The following LRRC45 variants were observed in gnomAD, a reference collection of about 807,000 sequenced individuals.
LRRC45 encodes leucine rich repeat containing 45.
Under a neutral mutation model 85.4 loss-of-function variants are expected in LRRC45, and 73 were observed. That is an observed-to-expected ratio of 0.85 (90% CI 0.71 to 1.04). The LOEUF (loss-of-function observed/expected upper bound fraction) is 1.04, where lower values mean the gene tolerates loss of function less well. Among genes scored for constraint, LRRC45 ranks in the 50% least tolerant of loss-of-function variants. LRRC45 has a pLI of 0.00. For synonymous variants in LRRC45, 429 were observed against 386.0 expected (o/e 1.11, Z -1.31); for missense variants, 937 against 883.3 (o/e 1.06, Z -0.77).
At chr17:82,029,510 G>A in intron 13 of LRRC45, 33 bp from the exon 14 acceptor site, 1 of 1,549,624 alleles carries the variant, frequency 6.5e-7, no homozygotes, top group Non-Finnish European at 8.7e-7. Context: ...GCCAGGGACA[G>A]GAGAACGGGC....
chr17:82,024,070 T>A, intron 1 of LRRC45: 1 of 720,192 alleles, frequency 1.4e-6, no homozygotes, highest in Non-Finnish European at 2.2e-6. Flanking sequence ...CTTACCTGGT[T>A]CCCCGCGTGC....
rs760050172 is a variant in LRRC45, at chr17:82,025,468, G to A, written c.622G>A (p.Ala208Thr). 2 of 1,609,530 alleles carry A rather than the reference G, an allele frequency of 1.2e-6. No individual in the cohort carries two copies. The highest frequency in any genetic ancestry group is 1.7e-6 in the Non-Finnish European group (2 of 1,178,038). ...SNRTLWRLDLAGNNIPGDVLR... is the reference protein window; with the variant it reads ...SNRTLWRLDLTGNNIPGDVLR... ...CAGAACCCTGTGGAGACTGGACCTG[G>A]CTGGGAACAACATCCCTGGAGACGT... The change falls in exon 5 of 17, where the codon GCT (alanine) becomes ACT (threonine). Residue 208 changes from alanine to threonine, a missense_variant. Ala to Thr is a moderately conservative substitution (Grantham distance 58). Transcript: ENST00000306688.
chr17:82,023,825 C>T lies in LRRC45; in HGVS notation c.182C>T (p.Thr61Met), dbSNP rs372848486. 103 of 1,568,226 alleles carry T rather than the reference C, an allele frequency of 6.6e-5. No individual in the cohort carries two copies. The highest frequency in any genetic ancestry group is 9.4e-5 in the Admixed American group (5 of 53,286). ...CTGCTGCCGAGGGAGACGCTGTGCA[C>T]GGAGCTGGTCCTGAGTGACTGCATG... is the stretch of plus-strand genomic sequence containing the variant. Reference protein sequence around the residue: ...GKLLPRETLCTELVLSDCMLS... With the variant: ...GKLLPRETLCMELVLSDCMLS... Residue 61 changes from threonine (T) to methionine (M), a missense_variant, in exon 1 of 17, where the codon ACG (threonine) becomes ATG (methionine). Thr to Met is a moderately conservative substitution (Grantham distance 81, BLOSUM62 -1). Transcript: ENST00000306688.
chr17:82,028,991 AG>A, intron 12 of LRRC45, 101 bp from the exon 13 acceptor site: 1 of 1,060,994 alleles, frequency 9.4e-7, no homozygotes, highest in East Asian at 2.5e-5. Flanking sequence ...AGAATGAACA[AG>A]GTTCTCAAGA....
chr17:82,029,921 G>A (rs753945072), intron 14 of LRRC45, 144 bp from the exon 15 acceptor site: 4 of 1,047,702 alleles, frequency 3.8e-6, no homozygotes, highest in Non-Finnish European at 5.4e-6. Context: ...TCTGGAGGAG[G>A]TGGCTGCCAG....
chr17:82,030,671 G>A lies in LRRC45; in HGVS notation c.1879G>A (p.Glu627Lys), dbSNP rs766077349. Residue 627 changes from glutamate (E) to lysine (K), a missense_variant, in exon 17 of 17, where the codon GAG (glutamate) becomes AAG (lysine). Glu to Lys is a moderately conservative substitution (Grantham distance 56). Transcript: ENST00000306688. ...DRESENASLR[E>K]KLRLREAEIA... ...GGAGAGCGAGAACGCGTCTCTCCGG[G>A]AGAAGCTGCGGCTCCGGGAGGCGGA... The A allele has an allele frequency of 5.4e-6, 8 of 1,469,732 alleles. No individual in the cohort carries two copies. The highest frequency in any genetic ancestry group is 1.4e-5 in the South Asian group (1 of 73,548). The allele number at this position is 1,469,732 out of a possible 1,614,324, so 91.0% of individuals were successfully genotyped here.
intron 5 of LRRC45, among the ~76,000 whole-genome samples, chr17:82,026,580 G>C (rs2043369449): frequency 6.7e-6 from 1 of 150,132 alleles, no homozygotes; most frequent in Admixed American, 6.6e-5. Flanking sequence ...GTGTGTGTGT[G>C]TGTGTGTGTG....
At chr17:82,027,099 C>T in intron 6 of LRRC45, 88 bp downstream of exon 6, 5 of 1,183,366 alleles carry the variant, frequency 4.2e-6, no homozygotes, top group Non-Finnish European at 6.1e-6. Flanking sequence ...GTGGTCTGCC[C>T]ATCTTCCCTT....
intron 6 of LRRC45, 31 bp downstream of exon 6, chr17:82,027,042 C>T: frequency 6.5e-7 from 1 of 1,527,532 alleles, no homozygotes; most frequent in Non-Finnish European, 8.9e-7. Flanking sequence ...GACCTTGGAG[C>T]TGCTTATGGC....
In LRRC45 at chr17:82,030,174, C is replaced by G. The variant is rs745631381; in HGVS notation, c.1604C>G (p.Thr535Ser). The G allele has an allele frequency of 3.0e-5, 47 of 1,544,590 alleles. No individual in the cohort carries two copies. In the East Asian group the frequency reaches 1.1e-3, roughly 35 times the overall value. The change falls in exon 15 of 17, where the codon ACC becomes AGC. Residue 535 changes from threonine to serine, a missense_variant. Transcript: ENST00000306688. ...QQKQVVAEAQ[T>S]RVSQLGLQVE... ...AAGCAGGTGGTGGCCGAGGCCCAGACCCGGGTCAGCCAGCTGGGCCTGCAA... is the reference window on the plus strand; with the variant it reads ...AAGCAGGTGGTGGCCGAGGCCCAGAGCCGGGTCAGCCAGCTGGGCCTGCAA...
rs765887436 is a variant in LRRC45 at position 82,023,699 on chromosome 17, C to A, written c.56C>A (p.Pro19His). The change falls in exon 1 of 17, where the codon CCC becomes CAC. Residue 19 changes from proline to histidine, a missense_variant. Transcript: ENST00000306688. The stretch of plus-strand genomic sequence containing the variant: ...CTGTGCAGGGAGAGTGGGGCCGAGC[C>A]CCAGGAGGCTGTCCTGCAGCAGCTG... ...SRLCRESGAE[P>H]QEAVLQQLHQ... 28 of 1,552,896 alleles carry A rather than the reference C, an allele frequency of 1.8e-5. No homozygotes were observed. Among genetic ancestry groups the A allele is most frequent in the Non-Finnish European group, 2.3e-5 (27 of 1,155,062 alleles).
chr17:82,029,599 G>A lies in LRRC45; in HGVS notation c.1458G>A (p.Glu486=). ...GCGAGCGTGGCCAGGCTGAGGAGGA[G>A]CTGATCAAGGCCAAGAGCCAGGCCC... ...ALSERGQAEE[E]LIKAKSQARL... The change falls in exon 14 of 17, where the codon GAG becomes GAA. Residue 486 remains glutamate (E), a synonymous_variant. Transcript: ENST00000306688. 5.1e-6 allele frequency: 8 copies of A among 1,580,132 alleles called. No individual in the cohort carries two copies. Among genetic ancestry groups the A allele is most frequent in the Non-Finnish European group, 6.9e-6 (8 of 1,164,536 alleles).
Position 82,024,720 on chromosome 17 carries a change from G to T in LRRC45, c.310G>T (p.Glu104Ter). The T allele has an allele frequency of 6.3e-7, 1 of 1,576,948 alleles. No homozygotes were observed. The highest frequency in any genetic ancestry group is 1.4e-5 in the African/African-American group (1 of 73,088). Residue 104 changes from glutamate (E) to a stop codon, truncating the protein, a stop_gained, in exon 3 of 17, where the codon GAG becomes TAG. Transcript: ENST00000306688. LOFTEE classifies it high-confidence loss of function. ...KGNNLRAAGA[E>*]ALGKLLQQNK... ...CAACAACCTTCGGGCTGCAGGGGCC[G>T]AGGCTCTGGGAAAACTCCTCCAACA...
chr17:82,025,546 T>G (rs767675042), intron 5 of LRRC45, 39 bp downstream of exon 5: 64 of 1,494,980 alleles, frequency 4.3e-5, no homozygotes, highest in Non-Finnish European at 5.5e-5. Context: ...CGTGAGCCTT[T>G]GACAGAGGCC....
At chr17:82,026,867 CCT>C in intron 5 of LRRC45, 30 bp from the exon 6 acceptor site, 3 of 1,553,986 alleles carry the variant, frequency 1.9e-6, no homozygotes, top group Non-Finnish European at 1.7e-6. Context: ...GGCATGAGCC[CCT>C]GTGCCCAGCT....
intron 5 of LRRC45, among the ~76,000 whole-genome samples, chr17:82,025,787 G>A (rs1375642767): frequency 1.3e-5 from 2 of 152,214 alleles, no homozygotes; most frequent in Admixed American, 6.5e-5. Context: ...GAGGCCGTGT[G>A]GCTCACAGTC....
intron 6 of LRRC45, 102 bp downstream of exon 6, chr17:82,027,113 C>A: frequency 9.2e-7 from 1 of 1,087,578 alleles, no homozygotes; most frequent in Non-Finnish European, 1.3e-6. Context: ...TTCCCTTCCT[C>A]GGGGCCCTGG....
rs2043372123 is a variant in LRRC45, at chr17:82,026,843, G to A, written c.662-56G>A. 17 of 1,451,730 alleles carry A rather than the reference G, an allele frequency of 1.2e-5. No individual in the cohort carries two copies. In the South Asian group the frequency reaches 2.0e-4, roughly 17 times the overall value. 89.9% of individuals were successfully genotyped at this position (1,451,730 alleles called of 1,614,324 possible). A position where few individuals can be genotyped will look rare whatever the true frequency, so the allele number is the denominator to read the frequency against. On this transcript the variant is annotated intron_variant, in intron 5 of 16. Coordinates refer to ENST00000306688, the MANE Select transcript of LRRC45 (RefSeq NM_144999.4). ...GATCCACCCACCTCGACCTCCCAAA[G>A]TGCTGGGATTCCAGGCATGAGCCCC...
chr17:82,028,284 T>C lies in LRRC45; in HGVS notation c.1098T>C (p.Asn366=), dbSNP rs913511936. 4 of 1,586,924 alleles carry C rather than the reference T, an allele frequency of 2.5e-6. No homozygotes were observed. The highest frequency in any genetic ancestry group is 3.4e-6 in the Non-Finnish European group (4 of 1,167,118). The change falls in exon 10 of 17, where the codon AAT becomes AAC. Residue 366 remains asparagine, a synonymous_variant. Transcript: ENST00000306688. ...SKLLRDLSAA[N]EKNLLLQNQV... Reference sequence around the variant, plus strand: ...TCCTCAGAGACTTGTCTGCTGCCAATGAAAAGAACCTGCTTCTGCAAAACC... The same window carrying C: ...TCCTCAGAGACTTGTCTGCTGCCAACGAAAAGAACCTGCTTCTGCAAAACC...
Sources: allele counts gnomAD v4.1 joint callset (sites outside exome capture counted in the v4.1 genomes callset), GRCh38; gene constraint gnomAD v4.1.1; transcripts MANE v1.5; gene names NCBI Gene and HGNC (gene_info 2026-07-23, HGNC 2026-07-21).